Variants in POGLUT2 observed in about 807,000 individuals in gnomAD.
POGLUT2 encodes the protein protein O-glucosyltransferase 2, also known as ER protein 58.
A neutral mutation model predicts 57.6 loss-of-function variants in POGLUT2; 47 were observed. That is an observed-to-expected ratio of 0.82 (90% CI 0.65 to 1.04). The LOEUF (loss-of-function observed/expected upper bound fraction) is 1.04, where lower values mean the gene tolerates loss of function less well. Among genes scored for constraint, POGLUT2 ranks in the 50% least tolerant of loss-of-function variants. POGLUT2 has a pLI of 0.00. For synonymous variants in POGLUT2, 200 were observed against 218.8 expected, an observed-to-expected ratio of 0.91 and a Z score of 0.76; for missense variants, 565 against 614.8, an observed-to-expected ratio of 0.92 and a Z score of 0.86.
intron 2 of POGLUT2, among the ~76,000 whole-genome samples, chr13:102,795,883 G>T (rs567728846): frequency 6.6e-6 from 1 of 152,088 alleles, no homozygotes; most frequent in Admixed American, 6.6e-5. Flanking sequence ...GTTGTTAAGG[G>T]GGGGACAAGA....
rs2139097179 is a variant in POGLUT2 at position 102,793,625 on chromosome 13, A to G, written c.570T>C (p.Cys190=). The G allele has an allele frequency of 6.2e-7, 1 of 1,613,968 alleles. No individual in the cohort carries two copies. The highest frequency in any genetic ancestry group is 2.2e-5 in the East Asian group (1 of 44,886). Residue 190 remains cysteine, a synonymous_variant, in exon 3 of 10, where the codon TGT becomes TGC. Transcript: ENST00000376004. ...PKRFGQRQSL[C]HYTLKDNKVY... ...CCTTGTTATCCTTTAAGGTGTAGTG[A>G]CATAGGCTCTGCCTCTGTCCAAATC...
intron 4 of POGLUT2, among the ~76,000 whole-genome samples, chr13:102,792,803 G>T (rs1032501328): frequency 1.5e-4 from 22 of 151,154 alleles, no homozygotes; most frequent in Admixed American, 5.3e-4. Flanking sequence ...AATTTTTTTT[G>T]GGGGGGGACA....
At chr13:102,790,301 T>A (rs928098210) in intron 6 of POGLUT2, among the ~76,000 whole-genome samples, 2 of 152,220 alleles carry the variant, frequency 1.3e-5, no homozygotes. Flanking sequence ...GATGACCTTT[T>A]TCCCACCTCT....
chr13:102,787,466 C>T (rs1266702087), intron 8 of POGLUT2, among the ~76,000 whole-genome samples: 3 of 152,182 alleles, frequency 2.0e-5, no homozygotes, highest in Non-Finnish European at 4.4e-5. Context: ...AGAGTCAAGA[C>T]AAGAGGCCCA....
At position 102,796,978 on chromosome 13, in the gene POGLUT2, G is replaced by C; in HGVS notation, c.214C>G (p.Gln72Glu). 6.2e-7 allele frequency: 1 copy of C among 1,613,294 alleles called. No homozygotes were observed. The highest frequency in any genetic ancestry group is 2.2e-5 in the East Asian group (1 of 44,854). The change falls in exon 2 of 10, where the codon CAG becomes GAG. Residue 72 changes from glutamine (Q) to glutamate (E), a missense_variant. Transcript: ENST00000376004. ...FTSSPGEKVF[Q>E]VKVSAPEEQF... Reference sequence around the variant, plus strand: ...TCCTCTGGTGCTGAGACTTTCACCTGGAAGACCTTTTCGCCTGGAGAAGAT... The same window carrying C: ...TCCTCTGGTGCTGAGACTTTCACCTCGAAGACCTTTTCGCCTGGAGAAGAT...
Position 102,791,078 on chromosome 13 carries a change from A to ATTTTTT in POGLUT2, c.905_906insAAAAAA (p.Lys301_Asn302insLysLys). On this transcript the variant is annotated inframe_insertion, in exon 6 of 10. Coordinates refer to ENST00000376004, the MANE Select transcript of POGLUT2 (RefSeq NM_024089.3). Reference sequence around the variant, plus strand: ...CTCGCCCTCTCCAGACGGCAGTGGAATTTTTGCTTTCCCAGGGAGGACCCG... The same window carrying ATTTTTT: ...CTCGCCCTCTCCAGACGGCAGTGGAATTTTTTTTTTTGCTTTCCCAGGGAGGACCCG... 6.2e-7 allele frequency: 1 copy of ATTTTTT among 1,614,152 alleles called. No individual in the cohort carries two copies. The highest frequency in any genetic ancestry group is 8.5e-7 in the Non-Finnish European group (1 of 1,180,020).
chr13:102,786,206 C>T, intron 9 of POGLUT2, 26 bp downstream of exon 9: 1 of 1,440,856 alleles, frequency 6.9e-7, no homozygotes, highest in Non-Finnish European at 9.8e-7. Context: ...TACTCTGACA[C>T]CGGCCATAAG....
rs769736355 is a variant in POGLUT2 at position 102,796,842 on chromosome 13, T to C, written c.350A>G (p.Gln117Arg). The change falls in exon 2 of 10, where the codon CAA (glutamine) becomes CGA (arginine). Residue 117 changes from glutamine (Q) to arginine (R), a missense_variant. Physicochemically the swap from Gln to Arg is conservative, Grantham distance 43. Transcript: ENST00000376004. ...YKNLKVEIKFQGQHVAKSPYI... is the reference protein window; with the variant it reads ...YKNLKVEIKFRGQHVAKSPYI... ...TGGGGATTTGGCCACATGTTGCCCT[T>C]GGAATTTAATTTCCACCTTCAGATT... 1.2e-6 allele frequency: 2 copies of C among 1,607,664 alleles called. No homozygotes were observed. Among genetic ancestry groups the C allele is most frequent in the East Asian group, 2.2e-5 (1 of 44,798 alleles).
chr13:102,793,196 G>T, intron 4 of POGLUT2, 145 bp downstream of exon 4: 1 of 563,338 alleles, frequency 1.8e-6, no homozygotes. Context: ...GCAGGTACCT[G>T]AAATAACAGA....
At chr13:102,790,863 A>G in intron 6 of POGLUT2, 38 bp downstream of exon 6, 1 of 1,358,954 alleles carries the variant, frequency 7.4e-7, no homozygotes, top group Non-Finnish European at 1.1e-6. Context: ...CAAATACATT[A>G]GAAAAACAAA....
chr13:102,791,046 C>T lies in POGLUT2; in HGVS notation c.938G>A (p.Arg313His), dbSNP rs7981609. 2,185 of 1,614,116 alleles carry T rather than the reference C, an allele frequency of 1.4e-3. 29 individuals carry two copies. In the African/African-American group the frequency reaches 0.025, roughly 19 times the overall value. Residue 313 changes from arginine to histidine, a missense_variant, in exon 6 of 10, where the codon CGC (arginine) becomes CAC (histidine). Transcript: ENST00000376004. ...TTTAACCAGCTCGAGTCTCTCTTTGCGGCTGTCTCGCCCTCTCCAGACGGC... is the reference window on the plus strand; with the variant it reads ...TTTAACCAGCTCGAGTCTCTCTTTGTGGCTGTCTCGCCCTCTCCAGACGGC... ...STAVWRGRDSRKERLELVKLS... is the reference protein window; with the variant it reads ...STAVWRGRDSHKERLELVKLS...
intron 7 of POGLUT2, 32 bp downstream of exon 7, chr13:102,788,980 T>A (rs1878062138): frequency 3.2e-6 from 5 of 1,544,402 alleles, no homozygotes; most frequent in Non-Finnish European, 4.5e-6. Flanking sequence ...GGGAAACAAG[T>A]GGAAATAAGC....
At chr13:102,788,926 G>A in intron 7 of POGLUT2, 86 bp downstream of exon 7, 1 of 1,156,226 alleles carries the variant, frequency 8.6e-7, no homozygotes, top group Non-Finnish European at 1.3e-6. Context: ...GAACATCCTG[G>A]ATGCTCTCCA....
chr13:102,791,036 T>A lies in POGLUT2; in HGVS notation c.948A>T (p.Arg316Ser), dbSNP rs1463830820. ...TTCTACTGAGTTTAACCAGCTCGAG[T>A]CTCTCTTTGCGGCTGTCTCGCCCTC... Reference protein sequence around the residue: ...VWRGRDSRKERLELVKLSRKH... With the variant: ...VWRGRDSRKESLELVKLSRKH... Residue 316 changes from arginine (R) to serine (S), a missense_variant, in exon 6 of 10, where the codon AGA becomes AGT. Transcript: ENST00000376004. 1 of 1,614,048 alleles carries A rather than the reference T, an allele frequency of 6.2e-7. No homozygotes were observed. The highest frequency in any genetic ancestry group is 1.1e-5 in the South Asian group (1 of 91,086).
intron 6 of POGLUT2, among the ~76,000 whole-genome samples, chr13:102,789,882 G>A (rs1425633862): frequency 6.6e-6 from 1 of 152,242 alleles, no homozygotes; most frequent in Non-Finnish European, 1.5e-5. Flanking sequence ...ACAGGCGTGA[G>A]CCATCACGCC....
intron 9 of POGLUT2, 53 bp downstream of exon 9, chr13:102,786,179 G>T: frequency 8.6e-7 from 1 of 1,161,012 alleles, no homozygotes; most frequent in Non-Finnish European, 1.3e-6. Context: ...AAGCAAGTTT[G>T]GATCAATGTT....
At chr13:102,791,748 G>C (rs938431102) in intron 4 of POGLUT2, among the ~76,000 whole-genome samples, 1 of 152,170 alleles carries the variant, frequency 6.6e-6, no homozygotes, top group Non-Finnish European at 1.5e-5. Flanking sequence ...TCTAACCCTA[G>C]TTTCCTGCTA....
chr13:102,789,201 G>T lies in POGLUT2; in HGVS notation c.1104C>A (p.Ile368=). The part of the protein sequence containing the change: ...DFFKHKYQIN[I]DGTVAAYRLP... ...GGCGATAAGCTGCTACAGTGCCATC[G>T]ATATTTATTTGATACTTATGCTGCA... The change falls in exon 7 of 10, where the codon ATC becomes ATA. Residue 368 remains isoleucine, a synonymous_variant. Transcript: ENST00000376004. 6.2e-7 allele frequency: 1 copy of T among 1,613,838 alleles called. No homozygotes were observed. Among genetic ancestry groups the T allele is most frequent in the Non-Finnish European group, 8.5e-7 (1 of 1,179,748 alleles).
Position 102,798,953 on chromosome 13 carries a change from G to A in POGLUT2, c.-283C>T. On this transcript the variant is annotated 5_prime_UTR_variant, in exon 1 of 10. An upstream open reading frame in the 5' UTR gains an earlier in-frame stop. Transcript: ENST00000376004. ...CTCAGGACAATGATGAACTTGAGTT[G>A]CTCCTGCCACTGGAGCATCATTTGG... 1 of 415,050 alleles carries A rather than the reference G, an allele frequency of 2.4e-6. No homozygotes were observed. Among genetic ancestry groups the A allele is most frequent in the Non-Finnish European group, 4.2e-6 (1 of 235,938 alleles). The allele number at this position is 415,050 out of a possible 1,614,324, so 25.7% of individuals were successfully genotyped here. A position where few individuals can be genotyped will look rare whatever the true frequency, so the allele number is the denominator to read the frequency against.
Sources: allele counts gnomAD v4.1 joint callset (sites outside exome capture counted in the v4.1 genomes callset), GRCh38; gene constraint gnomAD v4.1.1; transcripts MANE v1.5; gene names NCBI Gene and HGNC (gene_info 2026-07-23, HGNC 2026-07-21).